The following VCP variants were observed in gnomAD, a reference collection of about 807,000 sequenced individuals.
VCP encodes the protein transitional endoplasmic reticulum ATPase.
VCP carries 6 observed loss-of-function variants against 85.7 expected under a neutral mutation model. The observed-to-expected ratio is 0.07, with a 90% CI of 0.04 to 0.14. VCP has a LOEUF of 0.14. Ranked by LOEUF, VCP falls within the 10% of genes least tolerant of loss-of-function variation. VCP has a pLI of 1.00. For missense variants in VCP, 353 were observed against 1,043.4 expected (o/e 0.34, Z 9.12); for synonymous variants, 384 against 367.1 (o/e 1.05, Z -0.53).
chr9:35,064,024 T>C (rs2131034909), intron 6 of VCP, 130 bp downstream of exon 6: 1 of 1,445,330 alleles, frequency 6.9e-7, no homozygotes, highest in Non-Finnish European at 9.6e-7. Flanking sequence ...AACTAAAGGA[T>C]ACGTTATTGC....
chr9:35,072,516 G>C lies in VCP; in HGVS notation c.-163C>G. 1.1e-6 allele frequency: 1 copy of C among 903,506 alleles called. No individual in the cohort carries two copies. The highest frequency in any genetic ancestry group is 3.4e-4 in the Middle Eastern group (1 of 2,922). The allele number at this position is 903,506 out of a possible 1,614,324, so 56.0% of individuals were successfully genotyped here. A position where few individuals can be genotyped will look rare whatever the true frequency, so the allele number is the denominator to read the frequency against. On this transcript the variant is annotated 5_prime_UTR_variant, in exon 1 of 17. Transcript: ENST00000358901. ...CCTCTCGCTTCCTCCCACCGGCAGC[G>C]AGGCGTCGGGCGAACAACGCTGGCT...
At position 35,061,700 on chromosome 9, in the gene VCP, G is replaced by A. The variant is rs1380898251; in HGVS notation, c.1082-11C>T. On this transcript the variant is annotated splice_polypyrimidine_tract_variant and intron_variant, in intron 9 of 16. Coordinates refer to ENST00000358901, the MANE Select transcript of VCP (RefSeq NM_007126.5). Reference sequence around the variant, plus strand: ...CCCTGTCAAAGCGACCTGTGGGACAGTACACAAACATAAACAGGGCTCATC... The same window carrying A: ...CCCTGTCAAAGCGACCTGTGGGACAATACACAAACATAAACAGGGCTCATC... 3.1e-6 allele frequency: 5 copies of A among 1,606,648 alleles called. No individual in the cohort carries two copies. The African/African-American group carries it at 5.3e-5, about 17-fold the overall frequency.
At chr9:35,072,299 G>A in intron 1 of VCP, 38 bp downstream of exon 1, 1 of 1,482,582 alleles carries the variant, frequency 6.7e-7, no homozygotes, top group Non-Finnish European at 8.9e-7. Flanking sequence ...GTCCCGGTGC[G>A]CGCCGCCGCA....
intron 7 of VCP, 65 bp downstream of exon 7, chr9:35,062,913 C>T: frequency 6.6e-7 from 1 of 1,505,584 alleles, no homozygotes; most frequent in South Asian, 1.1e-5. Flanking sequence ...TTCATAAGTG[C>T]TCCAGCTCAT....
chr9:35,062,470 C>T (rs1031859046), intron 7 of VCP, 120 bp from the exon 8 acceptor site: 3 of 1,472,014 alleles, frequency 2.0e-6, no homozygotes, highest in Admixed American at 3.7e-5. Flanking sequence ...GTGGTAACCT[C>T]TGCCTACTTC....
intron 1 of VCP, chr9:35,072,024 G>A (rs909912689): frequency 3.2e-5 from 38 of 1,170,192 alleles, no homozygotes; most frequent in Admixed American, 5.0e-5. Context: ...TGGGCCGGAA[G>A]ACCTGGCCAG....
intron 5 of VCP, 143 bp from the exon 6 acceptor site, chr9:35,064,428 G>T: frequency 8.9e-7 from 1 of 1,122,554 alleles, no homozygotes; most frequent in Non-Finnish European, 1.3e-6. Flanking sequence ...GCTCACATCT[G>T]TAATCCCAGC....
intron 5 of VCP, 36 bp downstream of exon 5, chr9:35,065,215 A>G (rs377732809): frequency 4.3e-6 from 7 of 1,613,840 alleles, no homozygotes; most frequent in East Asian, 4.5e-5. Flanking sequence ...CTGAGTAATC[A>G]TAAAATCGGA....
chr9:35,067,363 A>G (rs1828854042), intron 3 of VCP, among the ~76,000 whole-genome samples: 1 of 152,132 alleles, frequency 6.6e-6, no homozygotes, highest in African/African-American at 2.4e-5. Flanking sequence ...CTTGCCTAAA[A>G]TTATGCAAGA....
At chr9:35,057,325 G>C (rs1483760006) in intron 16 of VCP, 51 bp downstream of exon 16, 1 of 1,613,962 alleles carries the variant, frequency 6.2e-7, no homozygotes, top group Non-Finnish European at 8.5e-7. Flanking sequence ...CCCTTTTGGT[G>C]TAGGTCCCCA....
chr9:35,057,361 T>G lies in VCP; in HGVS notation c.2315+15A>C. The stretch of plus-strand genomic sequence containing the variant: ...AAGTAACTTAAGCACTGTCTAATGC[T>G]CCCAACCAACTTACCTGAAGCTGCC... On this transcript the variant is annotated intron_variant, in intron 16 of 16. Coordinates refer to ENST00000358901, the MANE Select transcript of VCP (RefSeq NM_007126.5). The G allele has an allele frequency of 6.2e-7, 1 of 1,614,222 alleles. No individual in the cohort carries two copies. The highest frequency in any genetic ancestry group is 8.5e-7 in the Non-Finnish European group (1 of 1,180,032).
intron 13 of VCP, 38 bp downstream of exon 13, chr9:35,060,275 A>C (rs894701393): frequency 1.2e-6 from 2 of 1,606,030 alleles, no homozygotes; most frequent in African/African-American, 2.7e-5. Flanking sequence ...CCTTGCCCTC[A>C]GGCAAATCAA....
At chr9:35,070,969 G>GTATAAGT (rs935810465) in intron 1 of VCP, among the ~76,000 whole-genome samples, 1 of 152,174 alleles carries the variant, frequency 6.6e-6, no homozygotes, top group African/African-American at 2.4e-5. Context: ...ATTGTCTTCT[G>GTATAAGT]TATAAGTCAA....
In VCP at chr9:35,065,241, G is replaced by T. The variant is rs757728490; in HGVS notation, c.576+10C>A. The T allele has an allele frequency of 1.2e-6, 2 of 1,614,018 alleles. No homozygotes were observed. The highest frequency in any genetic ancestry group is 1.7e-6 in the Non-Finnish European group (2 of 1,180,008). ...TAAAATCGGATACTGGAATCAGGGAGAAAACTCACCTCTCGTTTGATAGGC... is the reference window on the plus strand; with the variant it reads ...TAAAATCGGATACTGGAATCAGGGATAAAACTCACCTCTCGTTTGATAGGC... On this transcript the variant is annotated intron_variant, in intron 5 of 16. Coordinates refer to ENST00000358901, the MANE Select transcript of VCP (RefSeq NM_007126.5).
chr9:35,056,842 A>G lies in VCP; in HGVS notation c.*275T>C. The stretch of plus-strand genomic sequence containing the variant: ...CCACACAGGTCCCCTGCACTGCCCC[A>G]AACTACAACAGAAATGGCATAGGCC... On this transcript the variant is annotated 3_prime_UTR_variant, in exon 17 of 17. Coordinates refer to ENST00000358901, the MANE Select transcript of VCP (RefSeq NM_007126.5). The G allele has an allele frequency of 2.3e-6, 1 of 426,258 alleles. No homozygotes were observed. 26.4% of individuals were successfully genotyped at this position (426,258 alleles called of 1,614,324 possible).
rs1359514535 is a variant in VCP, at chr9:35,059,256, T to C, written c.2005-37A>G. ...AGCAGAGGTACCTTAGCATTTAGCC[T>C]CTCCTCTCGAGATACGCAGATCTTT... On this transcript the variant is annotated intron_variant, in intron 14 of 16. Coordinates refer to ENST00000358901, the MANE Select transcript of VCP (RefSeq NM_007126.5). The surrounding 1 kb of genome is among the most constrained non-coding windows in gnomAD (Gnocchi z 4.9). 18 of 1,613,350 alleles carry C rather than the reference T, an allele frequency of 1.1e-5. No homozygotes were observed. The highest frequency in any genetic ancestry group is 1.2e-5 in the Non-Finnish European group (14 of 1,179,776).
chr9:35,065,021 C>T (rs1828799870), intron 5 of VCP, among the ~76,000 whole-genome samples: 3 of 152,162 alleles, frequency 2.0e-5, no homozygotes, highest in Admixed American at 2.0e-4. Context: ...ATGTGTACCA[C>T]CATGCCTGGC....
At chr9:35,070,256 A>G (rs1305615579) in intron 1 of VCP, among the ~76,000 whole-genome samples, 1 of 152,080 alleles carries the variant, frequency 6.6e-6, no homozygotes, top group African/African-American at 2.4e-5. Context: ...GACTCTTCCA[A>G]TGCTTATCAA....
In VCP at chr9:35,065,154, C is replaced by T; in HGVS notation, c.576+97G>A. ...AAGTACTGGGATTACAGGTGTCAGC[C>T]ACCGCAGCCGGCCGAGCACCCAGTC... is the stretch of plus-strand genomic sequence containing the variant. On this transcript the variant is annotated intron_variant, in intron 5 of 16. Coordinates refer to ENST00000358901, the MANE Select transcript of VCP (RefSeq NM_007126.5). 1.9e-6 allele frequency: 3 copies of T among 1,583,092 alleles called. No individual in the cohort carries two copies. In the South Asian group the frequency reaches 3.4e-5, roughly 18 times the overall value.
Sources: allele counts gnomAD v4.1 joint callset (sites outside exome capture counted in the v4.1 genomes callset), GRCh38; gene constraint gnomAD v4.1.1; non-coding constraint Gnocchi (gnomAD v3.1); transcripts MANE v1.5; gene names NCBI Gene and HGNC (gene_info 2026-07-23, HGNC 2026-07-21).